Variants in RBFOX1 observed in about 807,000 individuals in gnomAD.
The protein encoded by RBFOX1 is RNA binding protein fox-1 homolog 1.
Under a neutral mutation model 57.7 loss-of-function variants are expected in RBFOX1, and 8 were observed. That is an observed-to-expected ratio of 0.14 (90% CI 0.08 to 0.25). The LOEUF (loss-of-function observed/expected upper bound fraction) is 0.25, where lower values mean the gene tolerates loss of function less well. Among genes scored for constraint, RBFOX1 ranks in the 10% least tolerant of loss-of-function variants. The probability of loss-of-function intolerance (pLI) is 1.00; values close to 1 mark genes in which losing one functional copy is unlikely to be tolerated. For missense variants in RBFOX1, 611 were observed against 548.5 expected (o/e 1.11, Z -1.14); for synonymous variants, 326 against 222.4 (o/e 1.47, Z -4.15).
At chr16:7,150,117 G>T (rs186130615) in intron 4 of RBFOX1, among the ~76,000 whole-genome samples, 2 of 152,184 alleles carry the variant, frequency 1.3e-5, no homozygotes, top group Non-Finnish European at 2.9e-5. Flanking sequence ...TGCTTATTCC[G>T]GTCATAGGGC....
intron 4 of RBFOX1, among the ~76,000 whole-genome samples, chr16:7,136,323 C>T (rs2071944178): frequency 1.3e-5 from 2 of 151,948 alleles, no homozygotes; most frequent in East Asian, 1.9e-4. Flanking sequence ...TCTCAAGTGT[C>T]CAATGACCCC....
intron 2 of RBFOX1, among the ~76,000 whole-genome samples, chr16:5,577,758 A>G (rs538788271): frequency 3.1e-4 from 47 of 152,200 alleles, no homozygotes; most frequent in African/African-American, 1.1e-3. Context: ...TCCTGAAAAA[A>G]CTAAAAAGTC....
intron 1 of RBFOX1, among the ~76,000 whole-genome samples, chr16:6,295,737 TGAG>T (rs1316675625): frequency 6.6e-6 from 1 of 152,088 alleles, no homozygotes; most frequent in Non-Finnish European, 1.5e-5. Context: ...TTTCCTGAAA[TGAG>T]GAGGGGACAG....
chr16:6,945,163 G>A (rs888271966), intron 3 of RBFOX1, among the ~76,000 whole-genome samples: 12 of 152,040 alleles, frequency 7.9e-5, no homozygotes, highest in African/African-American at 2.7e-4. Flanking sequence ...AGAGTATGGG[G>A]AAAAAAGGGC....
At chr16:5,941,949 C>A (rs930182048) in intron 4 of RBFOX1, among the ~76,000 whole-genome samples, 9 of 151,580 alleles carry the variant, frequency 5.9e-5, no homozygotes, top group African/African-American at 2.2e-4. Flanking sequence ...TAACAACGAC[C>A]ACCATTGTTA....
intron 4 of RBFOX1, among the ~76,000 whole-genome samples, chr16:7,390,836 G>C (rs1484314104): frequency 6.6e-6 from 1 of 152,042 alleles, no homozygotes; most frequent in Non-Finnish European, 1.5e-5. Context: ...TCCAACAATC[G>C]AGTTGTTTGC....
At chr16:6,426,719 A>G (rs1291284526) in intron 2 of RBFOX1, among the ~76,000 whole-genome samples, 1 of 152,188 alleles carries the variant, frequency 6.6e-6, no homozygotes, top group Non-Finnish European at 1.5e-5. Flanking sequence ...GACAGAAGCA[A>G]TTTGAAAGAA....
chr16:6,808,160 A>ATGTGTGTGTG lies in RBFOX1; in HGVS notation c.-16+153520_-16+153529dup, dbSNP rs373756020. ...ATAATATGCATATTATACCTTATATATGTGTGTGTGTGTGTGTGTATATAT... is the reference window on the plus strand; with the variant it reads ...ATAATATGCATATTATACCTTATATATGTGTGTGTGTGTGTGTGTGTGTGTGTGTATATAT... On this transcript the variant is annotated intron_variant, in intron 3 of 15. Coordinates refer to ENST00000550418, the MANE Select transcript of RBFOX1 (RefSeq NM_018723.4). 5.4e-3 allele frequency among the ~76,000 whole-genome samples: 760 copies of ATGTGTGTGTG among 140,088 alleles called. 9 individuals are homozygous for ATGTGTGTGTG. Among genetic ancestry groups the ATGTGTGTGTG allele is most frequent in the African/African-American group, 0.019 (696 of 36,554 alleles). The allele number at this position is 140,088 out of a possible 152,430, so 91.9% of individuals were successfully genotyped here.
intron 4 of RBFOX1, among the ~76,000 whole-genome samples, chr16:6,009,423 A>T (rs1004102530): frequency 6.6e-6 from 1 of 152,054 alleles, no homozygotes; most frequent in African/African-American, 2.4e-5. Context: ...TAATTTGTTT[A>T]TTTTTCCTAA....
chr16:5,465,309 C>T (rs1329254579), intron 1 of RBFOX1, among the ~76,000 whole-genome samples: 1 of 151,906 alleles, frequency 6.6e-6, no homozygotes, highest in Non-Finnish European at 1.5e-5. Flanking sequence ...CAAATTTCAT[C>T]ATCTTATGAA....
In RBFOX1 at chr16:7,518,244, C is replaced by G. The variant is rs146499343; in HGVS notation, c.125C>G (p.Thr42Arg). The part of the protein sequence containing the change: ...PPQNGIPAEY[T>R]APHPHPAPEY... Reference sequence around the variant, plus strand: ...CAGAACGGTATCCCCGCGGAATACACGGCCCCTCATCCCCACCCCGCGCCA... The same window carrying G: ...CAGAACGGTATCCCCGCGGAATACAGGGCCCCTCATCCCCACCCCGCGCCA... The change falls in exon 5 of 16, where the codon ACG becomes AGG. Residue 42 changes from threonine to arginine, a missense_variant. This residue lies in a region of RBFOX1 where 245 missense variants were observed against 159.1 expected (regional missense o/e 1.54). Coordinates refer to ENST00000550418, the MANE Select transcript of RBFOX1 (RefSeq NM_018723.4). 8.7e-6 allele frequency: 14 copies of G among 1,614,100 alleles called. No homozygotes were observed. Among genetic ancestry groups the G allele is most frequent in the Non-Finnish European group, 1.2e-5 (14 of 1,179,996 alleles).
At chr16:6,462,184 T>G (rs1160799579) in intron 2 of RBFOX1, among the ~76,000 whole-genome samples, 1 of 152,162 alleles carries the variant, frequency 6.6e-6, no homozygotes, top group Non-Finnish European at 1.5e-5. Flanking sequence ...ACAGAACTCT[T>G]TAGAGTTAAT....
intron 4 of RBFOX1, among the ~76,000 whole-genome samples, chr16:7,341,320 G>C (rs1410273477): frequency 6.6e-6 from 1 of 152,004 alleles, no homozygotes; most frequent in Non-Finnish European, 1.5e-5. Context: ...AGCTTTTCAG[G>C]CTTGTAAAAC....
At chr16:7,689,314 A>C (rs1331149669) in intron 14 of RBFOX1, among the ~76,000 whole-genome samples, 2 of 152,110 alleles carry the variant, frequency 1.3e-5, no homozygotes, top group Admixed American at 6.6e-5. Flanking sequence ...TTCCCAGTTC[A>C]AAATAATCTT....
intron 3 of RBFOX1, chr16:6,773,945 G>A (rs2078896061): frequency 2.0e-6 from 2 of 985,232 alleles, no homozygotes; most frequent in African/African-American, 1.8e-5. Flanking sequence ...TTGTGTGTGT[G>A]CACACGCACA....
chr16:7,221,908 A>G (rs1298493537), intron 4 of RBFOX1, among the ~76,000 whole-genome samples: 4 of 152,236 alleles, frequency 2.6e-5, no homozygotes, highest in African/African-American at 9.6e-5. Context: ...TTCATGTCCA[A>G]CCACAAAATG....
intron 2 of RBFOX1, among the ~76,000 whole-genome samples, chr16:6,461,915 T>C (rs2094929666): frequency 6.6e-6 from 1 of 152,208 alleles, no homozygotes; most frequent in African/African-American, 2.4e-5. Context: ...CAGCCTGTAT[T>C]AGCTTTTGGT....
intron 3 of RBFOX1, among the ~76,000 whole-genome samples, chr16:6,937,887 G>C (rs2077642796): frequency 6.7e-6 from 1 of 148,642 alleles, no homozygotes; most frequent in African/African-American, 2.5e-5. Flanking sequence ...AAAGGGAGAT[G>C]GGTATCATGA....
intron 4 of RBFOX1, among the ~76,000 whole-genome samples, chr16:7,160,740 G>C (rs184040736): frequency 6.6e-6 from 1 of 151,342 alleles, no homozygotes; most frequent in African/African-American, 2.4e-5. Flanking sequence ...TCTTAACATA[G>C]GTACCTATGT....
Sources: allele counts gnomAD v4.1 joint callset (sites outside exome capture counted in the v4.1 genomes callset), GRCh38; gene constraint gnomAD v4.1.1; regional missense constraint gnomAD v4.1.1; transcripts MANE v1.5; gene names NCBI Gene and HGNC (gene_info 2026-07-23, HGNC 2026-07-21).